CLUL1: variants seen among roughly 807,000 people sequenced by gnomAD.
CLUL1 encodes clusterin-like protein 1.
A neutral mutation model predicts 49.4 loss-of-function variants in CLUL1; 43 were observed. The ratio of observed to expected loss-of-function variants is 0.87; its 90% confidence interval spans 0.68 to 1.12. CLUL1 has a LOEUF of 1.12. Ranked by LOEUF, CLUL1 falls within the 50% of genes most tolerant of loss-of-function variation. The probability of loss-of-function intolerance (pLI) is 0.00; values close to 1 mark genes in which losing one functional copy is unlikely to be tolerated. For synonymous variants in CLUL1, 192 were observed against 184.9 expected, an observed-to-expected ratio of 1.04 and a Z score of -0.31; for missense variants, 486 against 544.4, an observed-to-expected ratio of 0.89 and a Z score of 1.07.
At chr18:629,770 A>G (rs978786894) in intron 6 of CLUL1, among the ~76,000 whole-genome samples, 1 of 152,232 alleles carries the variant, frequency 6.6e-6, no homozygotes, top group Admixed American at 6.5e-5. Context: ...TCCCTCCCCT[A>G]GCCAGACAGT....
chr18:626,134 A>T (rs983522348), intron 5 of CLUL1, among the ~76,000 whole-genome samples: 1 of 152,056 alleles, frequency 6.6e-6, no homozygotes, highest in Admixed American at 6.6e-5. Context: ...TTTTCATGAG[A>T]CAGGGTCTGG....
At chr18:639,300 G>A (rs1020790375) in intron 7 of CLUL1, among the ~76,000 whole-genome samples, 21 of 151,310 alleles carry the variant, frequency 1.4e-4, no homozygotes, top group East Asian at 3.9e-4. Context: ...TCATGGTGGC[G>A]CGTGCCTGTA....
chr18:599,353 G>A (rs1297301113), intron 1 of CLUL1, among the ~76,000 whole-genome samples: 3 of 152,094 alleles, frequency 2.0e-5, no homozygotes, highest in Non-Finnish European at 4.4e-5. Flanking sequence ...CTATGAAACA[G>A]GATTGGTAAT....
chr18:629,769 T>C (rs2073932716), intron 6 of CLUL1, among the ~76,000 whole-genome samples: 1 of 152,216 alleles, frequency 6.6e-6, no homozygotes, highest in Non-Finnish European at 1.5e-5. Context: ...ATCCCTCCCC[T>C]AGCCAGACAG....
At chr18:645,422 C>T (rs1481317195) in intron 9 of CLUL1, among the ~76,000 whole-genome samples, 3 of 151,976 alleles carry the variant, frequency 2.0e-5, no homozygotes, top group South Asian at 4.1e-4. Flanking sequence ...ATTCCACTTC[C>T]GAAATCAATC....
intron 8 of CLUL1, among the ~76,000 whole-genome samples, chr18:643,589 C>T (rs2074398939): frequency 6.6e-6 from 1 of 152,110 alleles, no homozygotes. Context: ...GATTTACTTC[C>T]ATTCTAGTGT....
At chr18:614,343 GGAAGGAAA>G (rs2073230960) in intron 2 of CLUL1, among the ~76,000 whole-genome samples, 1 of 150,490 alleles carries the variant, frequency 6.6e-6, no homozygotes, top group African/African-American at 2.4e-5. Flanking sequence ...AGGGAAGGAA[GGAAGGAAA>G]GAAGGAAGGA....
chr18:645,852 T>C (rs1217916431), intron 9 of CLUL1, among the ~76,000 whole-genome samples: 49 of 121,456 alleles, frequency 4.0e-4, no homozygotes, highest in African/African-American at 1.2e-3. Context: ...TATATATATA[T>C]GTTAAACATA....
In CLUL1 at chr18:606,128, G is replaced by A. The variant is rs1180371969; in HGVS notation, c.-135-850G>A. 6.6e-6 allele frequency among the ~76,000 whole-genome samples: 1 copy of A among 152,160 alleles called. No homozygotes were observed. Among genetic ancestry groups the A allele is most frequent in the Non-Finnish European group, 1.5e-5 (1 of 68,038 alleles). ...AGTCCTCCCCTAAGGGTGGCAGGAA[G>A]AACACCCCTCCCCCAGATGGTATTT... On this transcript the variant is annotated intron_variant, in intron 1 of 9. Coordinates refer to ENST00000692774, the MANE Select transcript of CLUL1 (RefSeq NM_001393344.1). The surrounding 1 kb of genome is among the most constrained non-coding windows in gnomAD (Gnocchi z 4.1).
intron 8 of CLUL1, among the ~76,000 whole-genome samples, chr18:644,464 A>G (rs553033043): frequency 1.6e-4 from 25 of 152,356 alleles, no homozygotes; most frequent in African/African-American, 5.5e-4. Flanking sequence ...ACAGACAGTA[A>G]TACTCAGCAA....
chr18:607,598 A>T (rs1304522454), intron 2 of CLUL1, among the ~76,000 whole-genome samples: 1 of 151,780 alleles, frequency 6.6e-6, no homozygotes, highest in Non-Finnish European at 1.5e-5. Flanking sequence ...CTAATTTTTT[A>T]AAATTTTTTT....
intron 7 of CLUL1, among the ~76,000 whole-genome samples, chr18:634,827 C>T (rs1302292854): frequency 6.6e-6 from 1 of 152,094 alleles, no homozygotes; most frequent in Admixed American, 6.5e-5. Context: ...TCCTCCATCC[C>T]TCCCCTCATT....
At chr18:617,877 T>C in intron 2 of CLUL1, 111 bp from the exon 3 acceptor site, 2 of 819,784 alleles carry the variant, frequency 2.4e-6, no homozygotes, top group East Asian at 2.7e-5. Flanking sequence ...TCTAAAGTCA[T>C]AAGGAAAAAT....
At chr18:637,729 C>CTCTGGAAT in intron 7 of CLUL1, among the ~76,000 whole-genome samples, 1 of 152,236 alleles carries the variant, frequency 6.6e-6, no homozygotes, top group Non-Finnish European at 1.5e-5. Context: ...AATCCCAGCA[C>CTCTGGAAT]TCTGGAAGGC....
Position 618,043 on chromosome 18 carries a change from T to C in CLUL1, c.43T>C (p.Leu15=). 6.2e-7 allele frequency: 1 copy of C among 1,614,176 alleles called. No individual in the cohort carries two copies. The highest frequency in any genetic ancestry group is 1.1e-5 in the South Asian group (1 of 91,078). ...GGTGTTTATTGTGTGTCTGCTGTGGTTGAAAGACAGTCACTGCGCACCCAC... is the reference window on the plus strand; with the variant it reads ...GGTGTTTATTGTGTGTCTGCTGTGGCTGAAAGACAGTCACTGCGCACCCAC... ...LLVFIVCLLW[L]KDSHCAPTWK... is the part of the protein sequence containing the mutation. Residue 15 remains leucine (L), a synonymous_variant, in exon 3 of 10, where the codon TTG becomes CTG. Coordinates refer to ENST00000692774, the MANE Select transcript of CLUL1 (RefSeq NM_001393344.1). The surrounding 1 kb of genome is among the most constrained non-coding windows in gnomAD (Gnocchi z 4.2).
chr18:619,189 A>T, intron 3 of CLUL1, 24 bp from the exon 4 acceptor site: 1 of 1,606,644 alleles, frequency 6.2e-7, no homozygotes, highest in Non-Finnish European at 8.5e-7. Flanking sequence ...GATCTCAAAG[A>T]AAAAATTGCC....
chr18:622,962 T>C (rs957363758), intron 4 of CLUL1, among the ~76,000 whole-genome samples: 3 of 151,966 alleles, frequency 2.0e-5, no homozygotes, highest in Admixed American at 1.3e-4. Flanking sequence ...ATGAGGACAA[T>C]GAGCAGAATA....
chr18:631,814 A>G (rs1188671927), intron 6 of CLUL1, among the ~76,000 whole-genome samples: 1 of 152,220 alleles, frequency 6.6e-6, no homozygotes, highest in Non-Finnish European at 1.5e-5. Context: ...TTCCCTCAAG[A>G]GGCTTACAGT....
chr18:597,782 A>C (rs2143898984), intron 1 of CLUL1: 1 of 152,344 alleles, frequency 6.6e-6, no homozygotes, highest in East Asian at 1.9e-4. Context: ...ATCAATGCTC[A>C]TACAGTTTAT....
Sources: gnomAD v4.1 joint callset for allele counts (sites outside exome capture counted in the v4.1 genomes callset) on GRCh38, gnomAD v4.1.1 for gene constraint, Gnocchi (gnomAD v3.1) non-coding constraint, MANE v1.5 for transcripts, NCBI Gene and HGNC (gene_info 2026-07-23, HGNC 2026-07-21) for gene names.